DCC: variants seen among roughly 807,000 people sequenced by gnomAD.
DCC encodes DCC netrin 1 receptor.
Under a neutral mutation model 172.5 loss-of-function variants are expected in DCC, and 58 were observed. The observed-to-expected ratio is 0.34, with a 90% CI of 0.27 to 0.42. The LOEUF (loss-of-function observed/expected upper bound fraction) is 0.42, where lower values mean the gene tolerates loss of function less well. DCC is among the 10% of genes least tolerant of loss of function. The probability of loss-of-function intolerance (pLI) is 1.00; values close to 1 mark genes in which losing one functional copy is unlikely to be tolerated. For missense variants in DCC, 1,740 were observed against 1,791.0 expected, an observed-to-expected ratio of 0.97 and a Z score of 0.51; for synonymous variants, 709 against 644.5, an observed-to-expected ratio of 1.10 and a Z score of -1.52.
chr18:52,895,149 C>T (rs894414260), intron 2 of DCC, among the ~76,000 whole-genome samples: 1 of 152,222 alleles, frequency 6.6e-6, no homozygotes, highest in Middle Eastern at 3.2e-3. Context: ...AAAGAGTTTG[C>T]TTTTCTGCTT....
In DCC at chr18:53,420,587, G is replaced by T. The variant is rs75418009; in HGVS notation, c.3163+4431G>T. Among the ~76,000 whole-genome samples, 1,380 of 152,244 alleles carry T rather than the reference G, an allele frequency of 9.1e-3. 26 individuals carry two copies. The highest frequency in any genetic ancestry group is 0.032 in the African/African-American group (1,324 of 41,550). ...CTGGTGAGGGTCCTCTTCCTGGCTTGCAGGTGGCCTTCTCGCTGTGTCTTC... is the reference window on the plus strand; with the variant it reads ...CTGGTGAGGGTCCTCTTCCTGGCTTTCAGGTGGCCTTCTCGCTGTGTCTTC... On this transcript the variant is annotated intron_variant, in intron 21 of 28. Coordinates refer to ENST00000442544, the MANE Select transcript of DCC (RefSeq NM_005215.4).
intron 12 of DCC, among the ~76,000 whole-genome samples, chr18:53,263,502 T>A (rs1322815342): frequency 6.6e-6 from 1 of 152,170 alleles, no homozygotes; most frequent in African/African-American, 2.4e-5. Flanking sequence ...ATTTAATGTT[T>A]TATGCATTAT....
chr18:52,464,511 A>T (rs1277938476), intron 1 of DCC, among the ~76,000 whole-genome samples: 1 of 152,206 alleles, frequency 6.6e-6, no homozygotes, highest in Non-Finnish European at 1.5e-5. Flanking sequence ...CTTTCCCATC[A>T]GATCTGCAGT....
Position 52,704,137 on chromosome 18 carries a change from A to G in DCC, c.92-47917A>G, listed in dbSNP as rs189971781. On this transcript the variant is annotated intron_variant, in intron 1 of 28. Transcript: ENST00000442544. ...TTGTAGGTATGAAAGAGCTTTATAA[A>G]TGTAATATATTATTAATCTCTGTCA... Among the ~76,000 whole-genome samples, 339 of 152,202 alleles carry G rather than the reference A, an allele frequency of 2.2e-3. 5 individuals carry two copies. In the South Asian group the frequency reaches 0.025, roughly 11 times the overall value.
intron 9 of DCC, among the ~76,000 whole-genome samples, chr18:53,201,112 C>T (rs1234906390): frequency 6.6e-6 from 1 of 152,156 alleles, no homozygotes; most frequent in East Asian, 1.9e-4. Flanking sequence ...CCACACACTG[C>T]CTCCCTTTCC....
In DCC at chr18:52,969,639, G is replaced by A. The variant is rs372257636; in HGVS notation, c.985+44269G>A. On this transcript the variant is annotated intron_variant, in intron 5 of 28. Transcript: ENST00000442544. Reference sequence around the variant, plus strand: ...TCTCTCTCTTTCTGTGACTCTCTGTGTCTCTCTCTCTCTTTCTCATCAGTC... The same window carrying A: ...TCTCTCTCTTTCTGTGACTCTCTGTATCTCTCTCTCTCTTTCTCATCAGTC... Among the ~76,000 whole-genome samples the A allele has an allele frequency of 8.9e-5, 12 of 134,748 alleles. No homozygotes were observed. In the East Asian group the frequency reaches 1.1e-3, roughly 12 times the overall value. 88.4% of individuals were successfully genotyped at this position (134,748 alleles called of 152,430 possible).
rs750007696 is a variant in DCC at position 53,325,196 on chromosome 18, CAAAAAAAAAAAA to C, written c.2164+3050_2164+3061del. ...AGACAGAGCAAGCAAGACTCCATCT[CAAAAAAAAAAAA>C]AAAAAAAAAAGTTTTATGCTTTGAG... On this transcript the variant is annotated intron_variant, in intron 14 of 28. Transcript: ENST00000442544. 1.2e-3 allele frequency among the ~76,000 whole-genome samples: 75 copies of C among 65,104 alleles called. No homozygotes were observed. The East Asian group carries it at 0.037, about 32-fold the overall frequency. The allele number at this position is 65,104 out of a possible 152,430, so 42.7% of individuals were successfully genotyped here.
intron 1 of DCC, among the ~76,000 whole-genome samples, chr18:52,351,527 G>A (rs1266969990): frequency 2.0e-5 from 3 of 152,078 alleles, no homozygotes; most frequent in Non-Finnish European, 4.4e-5. Flanking sequence ...AACCGAGAGA[G>A]GGACTTTGAA....
chr18:52,659,792 G>A (rs1346115891), intron 1 of DCC, among the ~76,000 whole-genome samples: 1 of 152,114 alleles, frequency 6.6e-6, no homozygotes, highest in Non-Finnish European at 1.5e-5. Context: ...GATGGGAGGT[G>A]ATGGCCCAAG....
At chr18:53,306,474 T>C (rs1348738440) in intron 13 of DCC, among the ~76,000 whole-genome samples, 1 of 152,234 alleles carries the variant, frequency 6.6e-6, no homozygotes, top group African/African-American at 2.4e-5. Flanking sequence ...ATTATCCATC[T>C]GTGGTGGCCA....
chr18:53,081,969 T>C (rs978292258), intron 7 of DCC, among the ~76,000 whole-genome samples: 22 of 152,110 alleles, frequency 1.4e-4, no homozygotes, highest in Non-Finnish European at 4.4e-5. Flanking sequence ...GTCCCATTTC[T>C]CTAAGGCACC....
chr18:52,406,905 G>A lies in DCC; in HGVS notation c.91+66027G>A, dbSNP rs141715020. ...AATAAACCCATGTGTGAGTCTGTAT[G>A]TATCTGTGTGGTTGCATTCTCTGCC... is the stretch of plus-strand genomic sequence containing the variant. On this transcript the variant is annotated intron_variant, in intron 1 of 28. Coordinates refer to ENST00000442544, the MANE Select transcript of DCC (RefSeq NM_005215.4). Among the ~76,000 whole-genome samples the A allele has an allele frequency of 2.4e-4, 37 of 152,086 alleles. No homozygotes were observed. The East Asian group carries it at 7.2e-3, about 30-fold the overall frequency.
intron 21 of DCC, among the ~76,000 whole-genome samples, chr18:53,429,853 G>T (rs1911497916): frequency 6.6e-6 from 1 of 152,104 alleles, no homozygotes; most frequent in African/African-American, 2.4e-5. Flanking sequence ...AAAACAATGT[G>T]TTGAACCTTA....
chr18:52,564,214 T>G (rs2033103324), intron 1 of DCC, among the ~76,000 whole-genome samples: 1 of 152,118 alleles, frequency 6.6e-6, no homozygotes, highest in East Asian at 1.9e-4. Context: ...TGACAATAAA[T>G]GTAGAAGAGG....
intron 8 of DCC, among the ~76,000 whole-genome samples, chr18:53,157,992 T>C (rs9963392): frequency 0.4 from 60,791 of 152,054 alleles, 13,116 homozygotes; most frequent in East Asian, 0.71. Flanking sequence ...TTGTTTGTAA[T>C]GCAAAAGACA....
chr18:53,307,129 T>C (rs930126164), intron 13 of DCC, among the ~76,000 whole-genome samples: 1 of 152,240 alleles, frequency 6.6e-6, no homozygotes, highest in African/African-American at 2.4e-5. Context: ...GGTTGTCTTT[T>C]ATGCCTATAT....
intron 4 of DCC, among the ~76,000 whole-genome samples, chr18:52,924,811 G>A (rs564483895): frequency 1.6e-4 from 25 of 152,106 alleles, no homozygotes; most frequent in Admixed American, 1.2e-3. Flanking sequence ...TGTTCTCTGC[G>A]TATAGCCAAG....
At chr18:53,329,633 T>C (rs1457256664) in intron 14 of DCC, among the ~76,000 whole-genome samples, 1 of 152,130 alleles carries the variant, frequency 6.6e-6, no homozygotes, top group Admixed American at 6.5e-5. Context: ...CATATGTTCC[T>C]GGATGAAAAA....
intron 1 of DCC, among the ~76,000 whole-genome samples, chr18:52,345,250 T>C (rs947865202): frequency 6.6e-6 from 1 of 152,202 alleles, no homozygotes; most frequent in South Asian, 2.1e-4. Flanking sequence ...ACTTGATTAA[T>C]TGATTGATTA....
Sources: allele counts gnomAD v4.1 joint callset (sites outside exome capture counted in the v4.1 genomes callset), GRCh38; gene constraint gnomAD v4.1.1; transcripts MANE v1.5; gene names NCBI Gene and HGNC (gene_info 2026-07-23, HGNC 2026-07-21).